Variants in DNAH6 observed in about 807,000 individuals in gnomAD.
The protein encoded by DNAH6 is dynein axonemal heavy chain 6.
DNAH6 carries 340 observed loss-of-function variants against 491.4 expected under a neutral mutation model. The ratio of observed to expected loss-of-function variants is 0.69; its 90% confidence interval spans 0.63 to 0.76. The LOEUF is 0.76. Ranked by LOEUF, DNAH6 falls within the 30% of genes least tolerant of loss-of-function variation. The pLI is 0.00. For missense variants in DNAH6, 4,443 were observed against 4,972.2 expected, an observed-to-expected ratio of 0.89 and a Z score of 3.20; for synonymous variants, 1,603 against 1,686.1, an observed-to-expected ratio of 0.95 and a Z score of 1.21.
intron 49 of DNAH6, among the ~76,000 whole-genome samples, chr2:84,703,055 T>A (rs1696078694): frequency 6.6e-6 from 1 of 152,178 alleles, no homozygotes; most frequent in African/African-American, 2.4e-5. Flanking sequence ...CTCCAGGGAT[T>A]CACATCTGGA....
At chr2:84,724,263 A>C (rs888411325) in intron 60 of DNAH6, among the ~76,000 whole-genome samples, 1 of 152,174 alleles carries the variant, frequency 6.6e-6, no homozygotes, top group Non-Finnish European at 1.5e-5. Context: ...TTCCTGTTAT[A>C]TGCCCCTGTA....
Position 84,562,941 on chromosome 2 carries a change from G to A in DNAH6, c.1803+5006G>A, listed in dbSNP as rs549066897. Among the ~76,000 whole-genome samples, 9 of 152,306 alleles carry A rather than the reference G, an allele frequency of 5.9e-5. No homozygotes were observed. In the East Asian group the frequency reaches 1.7e-3, roughly 29 times the overall value. ...TGTAGCTCCCGTATCCCTAAGTGTA[G>A]TGTGAGGGACCTGGTAGGAGGTAAT... On this transcript the variant is annotated intron_variant, in intron 11 of 76. Transcript: ENST00000389394.
chr2:84,497,691 A>G, the DNAH6 span, among the ~76,000 whole-genome samples: 2 of 152,242 alleles, frequency 1.3e-5, no homozygotes, highest in East Asian at 1.9e-4. Flanking sequence ...TTGGATTTTT[A>G]TAAGCTCAGA....
At chr2:84,621,066 GTTT>G in intron 24 of DNAH6, 122 bp from the exon 25 acceptor site, 1 of 914,894 alleles carries the variant, frequency 1.1e-6, no homozygotes, top group South Asian at 1.7e-5. Context: ...GTCAATAGAA[GTTT>G]CAGTATTTGT....
intron 51 of DNAH6, among the ~76,000 whole-genome samples, chr2:84,704,711 G>T (rs758333318): frequency 6.6e-6 from 1 of 152,224 alleles, no homozygotes; most frequent in Admixed American, 6.5e-5. Flanking sequence ...GTGGGATGGG[G>T]CTGGGCAGGA....
chr2:84,511,221 C>G, the DNAH6 span, among the ~76,000 whole-genome samples: 1 of 152,314 alleles, frequency 6.6e-6, no homozygotes. Flanking sequence ...TGGGCTCCAC[C>G]CAGTTCGAGC....
At chr2:84,739,995 T>C (rs1025164076) in intron 62 of DNAH6, among the ~76,000 whole-genome samples, 2 of 152,100 alleles carry the variant, frequency 1.3e-5, no homozygotes, top group Admixed American at 6.6e-5. Context: ...ACTCCTCATC[T>C]GAGAGAGCTG....
At chr2:84,534,106 A>G (rs915649937) in intron 4 of DNAH6, among the ~76,000 whole-genome samples, 5 of 152,014 alleles carry the variant, frequency 3.3e-5, no homozygotes, top group African/African-American at 9.7e-5. Context: ...CAAAATTTAC[A>G]TAACACTGAT....
In DNAH6 at chr2:84,653,502, A is replaced by T; in HGVS notation, c.5262A>T (p.Pro1754=). Reference sequence around the variant, plus strand: ...GGCATGGTGTTATGTTAGTCGGGCCAACAGGAGGCGGCAAGACCACAGTTT... The same window carrying T: ...GGCATGGTGTTATGTTAGTCGGGCCTACAGGAGGCGGCAAGACCACAGTTT... ...LVRHGVMLVG[P]TGGGKTTVYR... is the part of the protein sequence containing the mutation. The change falls in exon 34 of 77, where the codon CCA becomes CCT. Residue 1754 remains proline, a synonymous_variant. Transcript: ENST00000389394. The T allele has an allele frequency of 6.4e-7, 1 of 1,551,334 alleles. No homozygotes were observed. The highest frequency in any genetic ancestry group is 2.4e-5 in the East Asian group (1 of 40,916).
chr2:84,642,680 C>G (rs1689533646), intron 33 of DNAH6, among the ~76,000 whole-genome samples: 1 of 151,854 alleles, frequency 6.6e-6, no homozygotes, highest in Non-Finnish European at 1.5e-5. Context: ...TAATCTAAGC[C>G]CACTTTCAAT....
chr2:84,484,727 T>C, the DNAH6 span, among the ~76,000 whole-genome samples: 1 of 152,144 alleles, frequency 6.6e-6, no homozygotes, highest in Non-Finnish European at 1.5e-5. Context: ...TCTGATATAA[T>C]CTCCTCATCT....
chr2:84,474,685 C>T, the DNAH6 span, among the ~76,000 whole-genome samples: 35 of 152,138 alleles, frequency 2.3e-4, no homozygotes, highest in African/African-American at 7.7e-4. Flanking sequence ...ATTGTGCCTT[C>T]GTGACCATCC....
At chr2:84,495,214 G>C in the DNAH6 span, among the ~76,000 whole-genome samples, 1 of 152,198 alleles carries the variant, frequency 6.6e-6, no homozygotes, top group African/African-American at 2.4e-5. Context: ...GCCCAGTCTG[G>C]AATGCAATGG....
chr2:84,619,841 TGG>T lies in DNAH6; in HGVS notation c.3730_3731del (p.Gly1244ArgfsTer8). The part of the protein sequence containing the change: ...PAEGKIPGID[G>X]EPEKVYTNDI... ...CCGAAGGAAAGATTCCTGGTATTGA[TGG>T]AGAACCAGAAAAGGTTTATACTAAT... On this transcript the variant is annotated frameshift_variant, in exon 24 of 77. Coordinates refer to ENST00000389394, the MANE Select transcript of DNAH6 (RefSeq NM_001370.2). LOFTEE classifies it high-confidence loss of function. 6.4e-7 allele frequency: 1 copy of T among 1,551,292 alleles called. No homozygotes were observed. The highest frequency in any genetic ancestry group is 2.4e-5 in the East Asian group (1 of 40,914).
intron 56 of DNAH6, 76 bp downstream of exon 56, chr2:84,710,488 C>A: frequency 7.1e-7 from 1 of 1,411,858 alleles, no homozygotes; most frequent in Non-Finnish European, 9.7e-7. Flanking sequence ...TAGGCCACAT[C>A]CCCATCATGC....
At chr2:84,737,459 G>A (rs901252562) in intron 62 of DNAH6, among the ~76,000 whole-genome samples, 15 of 151,350 alleles carry the variant, frequency 9.9e-5, no homozygotes, top group Admixed American at 5.3e-4. Context: ...TTTTTTTTCC[G>A]TTAGTTGGTT....
rs541839943 is a variant in DNAH6, at chr2:84,696,197, A to AT, written c.7525-1377dup. On this transcript the variant is annotated intron_variant, in intron 46 of 76. Transcript: ENST00000389394. Reference sequence around the variant, plus strand: ...ATTTCATATTTTACAGAGAAAGCAAATATTTTCTAATACTACTGAATGTTT... The same window carrying AT: ...ATTTCATATTTTACAGAGAAAGCAAATTATTTTCTAATACTACTGAATGTTT... 1.0e-3 allele frequency among the ~76,000 whole-genome samples: 153 copies of AT among 151,946 alleles called. 1 individual carries two copies. Among genetic ancestry groups the AT allele is most frequent in the African/African-American group, 3.6e-3 (148 of 41,572 alleles).
chr2:84,761,900 A>G (rs1418409180), intron 63 of DNAH6, among the ~76,000 whole-genome samples: 5 of 152,188 alleles, frequency 3.3e-5, no homozygotes, highest in Admixed American at 1.3e-4. Context: ...ACAGTTATGC[A>G]GGATGTCCAC....
intron 63 of DNAH6, among the ~76,000 whole-genome samples, chr2:84,745,604 T>C (rs1400018716): frequency 1.3e-5 from 2 of 149,088 alleles, no homozygotes; most frequent in African/African-American, 5.0e-5. Flanking sequence ...AGGCAGAGCT[T>C]GCAGTGAGCC....
Sources: gnomAD v4.1 joint callset for allele counts (sites outside exome capture counted in the v4.1 genomes callset) on GRCh38, gnomAD v4.1.1 for gene constraint, MANE v1.5 for transcripts, NCBI Gene and HGNC (gene_info 2026-07-23, HGNC 2026-07-21) for gene names.